The following SNX14 variants were observed in gnomAD, a reference collection of about 807,000 sequenced individuals.
The protein encoded by SNX14 is sorting nexin-14.
A neutral mutation model predicts 133.8 loss-of-function variants in SNX14; 93 were observed. The ratio of observed to expected loss-of-function variants is 0.70; its 90% CI spans 0.59 to 0.83. SNX14 has a LOEUF of 0.83. Ranked by LOEUF, SNX14 falls within the 40% of genes least tolerant of loss-of-function variation. SNX14 has a pLI of 0.00. For missense variants in SNX14, 945 were observed against 1,094.9 expected (o/e 0.86, Z 1.93); for synonymous variants, 368 against 365.6 (o/e 1.01, Z -0.07).
chr6:85,590,259 T>G lies in SNX14; in HGVS notation c.140+3320A>C, dbSNP rs141359024. The stretch of plus-strand genomic sequence containing the variant: ...CATAGACAAGGAACCCAACTGCATA[T>G]CCATAAAATAGAAGAATTTGCGTAC... On this transcript the variant is annotated intron_variant, in intron 1 of 28. Coordinates refer to ENST00000314673, the MANE Select transcript of SNX14 (RefSeq NM_153816.6). Among the ~76,000 whole-genome samples the G allele has an allele frequency of 3.0e-3, 463 of 152,274 alleles. 7 individuals are homozygous for G. The highest frequency in any genetic ancestry group is 4.4e-3 in the Admixed American group (68 of 15,298).
At chr6:85,584,290 A>AT (rs1246814596) in intron 1 of SNX14, among the ~76,000 whole-genome samples, 7 of 152,252 alleles carry the variant, frequency 4.6e-5, no homozygotes, top group African/African-American at 1.2e-4. Flanking sequence ...CAAAACCATA[A>AT]AAACCCTAGA....
chr6:85,548,435 T>G, intron 8 of SNX14, 59 bp from the exon 9 acceptor site: 1 of 1,264,374 alleles, frequency 7.9e-7, no homozygotes, highest in Admixed American at 2.2e-5. Flanking sequence ...GTTCTTAACT[T>G]TCAAGTGCAT....
rs532549203 is a variant in SNX14, at chr6:85,529,087, C to T, written c.1895-725G>A. Among the ~76,000 whole-genome samples, 438 of 151,520 alleles carry T rather than the reference C, an allele frequency of 2.9e-3. 2 individuals carry two copies. Among genetic ancestry groups the T allele is most frequent in the Middle Eastern group, 0.01 (3 of 294 alleles). ...AAAAAGGCCACCAACATGATGAAACCCTGTCTCTACTAAAAATACAAAATT... is the reference window on the plus strand; with the variant it reads ...AAAAAGGCCACCAACATGATGAAACTCTGTCTCTACTAAAAATACAAAATT... On this transcript the variant is annotated intron_variant, in intron 19 of 28. Transcript: ENST00000314673.
intron 4 of SNX14, among the ~76,000 whole-genome samples, chr6:85,569,926 C>T (rs531979535): frequency 6.6e-6 from 1 of 152,262 alleles, no homozygotes; most frequent in East Asian, 1.9e-4. Context: ...GCTGAACATC[C>T]CACCTTGTTT....
chr6:85,579,134 T>A, intron 1 of SNX14, among the ~76,000 whole-genome samples: 1 of 151,018 alleles, frequency 6.6e-6, no homozygotes, highest in Admixed American at 6.6e-5. Context: ...TGGGACTCCG[T>A]CTAAAAAAAA....
intron 6 of SNX14, among the ~76,000 whole-genome samples, chr6:85,562,289 ATTCTG>A (rs1160844269): frequency 6.6e-6 from 1 of 152,068 alleles, no homozygotes; most frequent in Non-Finnish European, 1.5e-5. Context: ...ATTCCTTTGA[ATTCTG>A]TTCTAAGTTC....
At chr6:85,511,172 G>T (rs1271797805) in intron 26 of SNX14, among the ~76,000 whole-genome samples, 3 of 144,782 alleles carry the variant, frequency 2.1e-5, no homozygotes, top group Non-Finnish European at 4.6e-5. Flanking sequence ...ACTTTTGGGG[G>T]TGCTAATGCA....
At chr6:85,549,050 T>C (rs1253118552) in intron 8 of SNX14, among the ~76,000 whole-genome samples, 4 of 151,782 alleles carry the variant, frequency 2.6e-5, no homozygotes, top group African/African-American at 9.7e-5. Context: ...TTTAAATTAA[T>C]GTTTAATGTA....
chr6:85,552,833 C>T lies in SNX14; in HGVS notation c.635-2954G>A, dbSNP rs1788302514. On this transcript the variant is annotated intron_variant, in intron 7 of 28. Coordinates refer to ENST00000314673, the MANE Select transcript of SNX14 (RefSeq NM_153816.6). ...CCTGGAGAGAGTTACACCCACAGGCCAAGCCTTAACATTCCTTTCTGCTAA... is the reference window on the plus strand; with the variant it reads ...CCTGGAGAGAGTTACACCCACAGGCTAAGCCTTAACATTCCTTTCTGCTAA... Among the ~76,000 whole-genome samples the T allele has an allele frequency of 2.0e-5, 3 of 152,112 alleles. 1 individual carries two copies. The South Asian group carries it at 6.2e-4, about 32-fold the overall frequency.
chr6:85,581,141 G>A (rs1482300840), intron 1 of SNX14: 2 of 152,350 alleles, frequency 1.3e-5, no homozygotes, highest in African/African-American at 4.8e-5. Context: ...GCTCAGCACA[G>A]AGAGAGACTC....
intron 4 of SNX14, 91 bp from the exon 5 acceptor site, chr6:85,567,668 G>T: frequency 1.3e-6 from 1 of 793,420 alleles, no homozygotes; most frequent in South Asian, 1.7e-5. Flanking sequence ...ACATTACCAA[G>T]AAACAATTTT....
rs796865608 is a variant in SNX14 at position 85,548,436 on chromosome 6, T to C, written c.792-60A>G. On this transcript the variant is annotated intron_variant, in intron 8 of 28. Coordinates refer to ENST00000314673, the MANE Select transcript of SNX14 (RefSeq NM_153816.6). Reference sequence around the variant, plus strand: ...AGTGATTTATATTAGTTCTTAACTTTCAAGTGCATGTGAATTACGTAAGGA... The same window carrying C: ...AGTGATTTATATTAGTTCTTAACTTCCAAGTGCATGTGAATTACGTAAGGA... The C allele has an allele frequency of 2.1e-5, 26 of 1,265,850 alleles. No individual in the cohort carries two copies. The African/African-American group carries it at 3.2e-4, about 16-fold the overall frequency. 78.4% of individuals were successfully genotyped at this position (1,265,850 alleles called of 1,614,324 possible). A position where few individuals can be genotyped will look rare whatever the true frequency, so the allele number is the denominator to read the frequency against.
At chr6:85,589,879 T>C (rs925328108) in intron 1 of SNX14, among the ~76,000 whole-genome samples, 2 of 152,238 alleles carry the variant, frequency 1.3e-5, no homozygotes, top group Non-Finnish European at 2.9e-5. Context: ...TGGAGTTCTC[T>C]TCCACAGCAC....
rs372213413 is a variant in SNX14 at position 85,549,799 on chromosome 6, C to G, written c.715G>C (p.Asp239His). Residue 239 changes from aspartate to histidine, a missense_variant, in exon 8 of 29, where the codon GAT becomes CAT. This residue lies in a region of SNX14 where 514 missense variants were observed against 538.8 expected (regional missense o/e 0.95). Transcript: ENST00000314673. ...ELHVALRSRR[D>H]ELHYLRKLTE... ...AGTTTCCTTAAATAGTGCAATTCAT[C>G]TCTTCGACTTCTCAAAGCAACATGA... is the stretch of plus-strand genomic sequence containing the variant. 28 of 1,614,012 alleles carry G rather than the reference C, an allele frequency of 1.7e-5. No homozygotes were observed. Among genetic ancestry groups the G allele is most frequent in the Non-Finnish European group, 2.1e-5 (25 of 1,179,926 alleles).
At chr6:85,517,974 C>T in intron 22 of SNX14, 34 bp downstream of exon 22, 1 of 1,586,632 alleles carries the variant, frequency 6.3e-7, no homozygotes, top group African/African-American at 1.4e-5. Flanking sequence ...TTATGATTAT[C>T]ATGTTATAGA....
intron 1 of SNX14, among the ~76,000 whole-genome samples, chr6:85,591,085 C>T (rs747633122): frequency 1.1e-4 from 17 of 152,146 alleles, no homozygotes; most frequent in Non-Finnish European, 1.8e-4. Flanking sequence ...GTCAGTGGCC[C>T]TAATCTCTGC....
chr6:85,583,382 G>C (rs188552799), intron 1 of SNX14, among the ~76,000 whole-genome samples: 116 of 152,264 alleles, frequency 7.6e-4, no homozygotes, highest in African/African-American at 2.7e-3. Flanking sequence ...ATTCAACACA[G>C]TATTGTAAGT....
chr6:85,548,119 G>C (rs1229987449), intron 9 of SNX14, among the ~76,000 whole-genome samples, 182 bp downstream of exon 9: 7 of 152,192 alleles, frequency 4.6e-5, no homozygotes, highest in Admixed American at 3.9e-4. Context: ...AGGAGTTATT[G>C]TTAACAGATG....
intron 14 of SNX14, 41 bp from the exon 15 acceptor site, chr6:85,542,084 C>A (rs546148714): frequency 6.1e-6 from 8 of 1,308,984 alleles, no homozygotes; most frequent in East Asian, 2.7e-5. Context: ...ATTACACTTA[C>A]AATTAACATT....
Sources: allele counts gnomAD v4.1 joint callset (sites outside exome capture counted in the v4.1 genomes callset), GRCh38; gene constraint gnomAD v4.1.1; regional missense constraint gnomAD v4.1.1; transcripts MANE v1.5; gene names NCBI Gene and HGNC (gene_info 2026-07-23, HGNC 2026-07-21).